Variants in AFAP1 observed in about 807,000 individuals in gnomAD.
AFAP1 encodes actin filament associated protein 1, also known as actin filament-associated protein 1.
AFAP1 carries 75 observed loss-of-function variants against 93.9 expected under a neutral mutation model. The observed-to-expected ratio is 0.80, with a 90% CI of 0.66 to 0.97. AFAP1 has a LOEUF of 0.97. AFAP1 is among the 50% of genes least tolerant of loss of function. AFAP1 has a pLI of 0.00. For synonymous variants in AFAP1, 517 were observed against 430.7 expected (o/e 1.20, Z -2.48); for missense variants, 1,201 against 1,050.8 (o/e 1.14, Z -1.98).
At chr4:7,764,033 G>C (rs577913907) in intron 17 of AFAP1, among the ~76,000 whole-genome samples, 1 of 152,270 alleles carries the variant, frequency 6.6e-6, no homozygotes, top group African/African-American at 2.4e-5. Flanking sequence ...CACCAGCCAG[G>C]AGGCAGAGGA....
At chr4:7,815,927 C>T (rs972729132) in intron 8 of AFAP1, 91 bp downstream of exon 8, 15 of 1,156,728 alleles carry the variant, frequency 1.3e-5, no homozygotes, top group Middle Eastern at 4.1e-4. Context: ...GGACATTTTT[C>T]GTACAATCAG....
chr4:7,939,313 C>A lies in AFAP1; in HGVS notation c.-3+343G>T. 1 of 316,022 alleles carries A rather than the reference C, an allele frequency of 3.2e-6. No individual in the cohort carries two copies. The highest frequency in any genetic ancestry group is 2.3e-5 in the South Asian group (1 of 42,588). The allele number at this position is 316,022 out of a possible 1,614,324, so 19.6% of individuals were successfully genotyped here. On this transcript the variant is annotated intron_variant, in intron 1 of 17. Coordinates refer to ENST00000420658, the MANE Select transcript of AFAP1 (RefSeq NM_001134647.2). The surrounding 1 kb of genome is among the most constrained non-coding windows in gnomAD (Gnocchi z 5.6). ...ACTCTTGGTGACCCGGACCCCGCCC[C>A]ACGAGTGGGTCTTCGCAGGGCCCCC...
At chr4:7,845,435 T>TA (rs1438445152) in intron 4 of AFAP1, among the ~76,000 whole-genome samples, 2 of 76,088 alleles carry the variant, frequency 2.6e-5, no homozygotes, top group African/African-American at 6.2e-5. Flanking sequence ...TTATTATTAC[T>TA]TTAAGTCCAG....
At chr4:7,824,672 C>T (rs1577256609) in intron 6 of AFAP1, among the ~76,000 whole-genome samples, 1 of 152,242 alleles carries the variant, frequency 6.6e-6, no homozygotes, top group Non-Finnish European at 1.5e-5. Flanking sequence ...CTCACATGTT[C>T]TCACTCATGT....
chr4:7,836,508 G>A (rs1015894378), intron 6 of AFAP1, among the ~76,000 whole-genome samples: 7 of 152,180 alleles, frequency 4.6e-5, no homozygotes, highest in Admixed American at 1.3e-4. Flanking sequence ...GTACAGTGGC[G>A]CAGTCACAAC....
chr4:7,830,072 T>C (rs748160713), intron 6 of AFAP1, among the ~76,000 whole-genome samples: 19 of 148,968 alleles, frequency 1.3e-4, no homozygotes, highest in Non-Finnish European at 2.4e-4. Flanking sequence ...ATTCTCTAAA[T>C]TGCAAAAATC....
Position 7,774,920 on chromosome 4 carries a change from A to T in AFAP1, c.1898-17T>A. On this transcript the variant is annotated splice_polypyrimidine_tract_variant and intron_variant, in intron 14 of 17. Transcript: ENST00000420658. ...GGGCAGCATCTTGAGAAGAAAAAAA[A>T]GCAGCAATTAAAAATTAGGTTTACT... 6.3e-7 allele frequency: 1 copy of T among 1,596,994 alleles called. No homozygotes were observed.
intron 6 of AFAP1, among the ~76,000 whole-genome samples, chr4:7,820,035 G>A (rs1720823988): frequency 6.6e-6 from 1 of 152,188 alleles, no homozygotes; most frequent in South Asian, 2.1e-4. Context: ...TAATTATACA[G>A]GGACAACAAC....
At chr4:7,814,621 G>A (rs371969827) in intron 8 of AFAP1, among the ~76,000 whole-genome samples, 2 of 152,186 alleles carry the variant, frequency 1.3e-5, no homozygotes, top group Non-Finnish European at 2.9e-5. Flanking sequence ...CCACAAACAC[G>A]GACGACTCTC....
chr4:7,868,788 T>C, intron 2 of AFAP1, 69 bp from the exon 3 acceptor site: 2 of 1,378,012 alleles, frequency 1.5e-6, no homozygotes, highest in Non-Finnish European at 2.0e-6. Flanking sequence ...CTAGCATCTA[T>C]CAGTTCCTGA....
At chr4:7,919,053 A>AACAGGGCTGCGGAT (rs1720288364) in intron 1 of AFAP1, among the ~76,000 whole-genome samples, 1 of 141,062 alleles carries the variant, frequency 7.1e-6, no homozygotes, top group African/African-American at 2.7e-5. Flanking sequence ...GGCTGCCGGA[A>AACAGGGCTGCGGAT]GAGACACTCG....
rs991546953 is a variant in AFAP1 at position 7,840,975 on chromosome 4, C to T, written c.546+2164G>A. On this transcript the variant is annotated intron_variant, in intron 5 of 17. Coordinates refer to ENST00000420658, the MANE Select transcript of AFAP1 (RefSeq NM_001134647.2). ...TAATTAGCAAACCCCACATCTCAAA[C>T]GCTTATCATTTCAGAAAGGGAACTT... 5.9e-5 allele frequency among the ~76,000 whole-genome samples: 9 copies of T among 152,286 alleles called. No individual in the cohort carries two copies. The South Asian group carries it at 1.2e-3, about 21-fold the overall frequency.
intron 4 of AFAP1, among the ~76,000 whole-genome samples, chr4:7,849,088 G>C (rs1341638085): frequency 1.3e-5 from 2 of 152,130 alleles, no homozygotes; most frequent in Non-Finnish European, 2.9e-5. Context: ...ACAGACAAAG[G>C]TTAAGTGACA....
intron 1 of AFAP1, among the ~76,000 whole-genome samples, chr4:7,880,674 G>A (rs556635505): frequency 3.3e-5 from 5 of 152,222 alleles, no homozygotes; most frequent in Non-Finnish European, 4.4e-5. Context: ...AGCCGGGAAC[G>A]GGGTGACCAG....
intron 1 of AFAP1, among the ~76,000 whole-genome samples, chr4:7,920,995 T>C (rs909838207): frequency 6.6e-5 from 10 of 151,502 alleles, no homozygotes; most frequent in Non-Finnish European, 1.0e-4. Flanking sequence ...GGTATACCTA[T>C]ATATCCATAA....
intron 1 of AFAP1, among the ~76,000 whole-genome samples, chr4:7,896,442 C>T (rs568318526): frequency 6.6e-6 from 1 of 152,042 alleles, no homozygotes; most frequent in Non-Finnish European, 1.5e-5. Context: ...CTGCCTACTC[C>T]CTCCCCAACC....
At position 7,873,261 on chromosome 4, in the gene AFAP1, AC is replaced by A. The variant is rs778147026; in HGVS notation, c.-2-1182del. Among the ~76,000 whole-genome samples the A allele has an allele frequency of 7.2e-5, 9 of 124,694 alleles. 1 individual carries two copies. The highest frequency in any genetic ancestry group is 1.6e-4 in the Admixed American group (2 of 12,298). 81.8% of individuals were successfully genotyped at this position (124,694 alleles called of 152,430 possible). On this transcript the variant is annotated intron_variant, in intron 1 of 17. Transcript: ENST00000420658. ...CTGTCTCAAAAAAAAAAAAAAAAAA[AC>A]CCCACTTTCACTTAGGAGTGTCTTT... is the stretch of plus-strand genomic sequence containing the variant.
intron 12 of AFAP1, among the ~76,000 whole-genome samples, chr4:7,782,699 T>C (rs1716893959): frequency 6.6e-6 from 1 of 152,218 alleles, no homozygotes; most frequent in African/African-American, 2.4e-5. Context: ...ATATTCCTTT[T>C]ACCCCGTTGA....
intron 14 of AFAP1, chr4:7,776,509 G>A (rs370863269): frequency 3.0e-4 from 46 of 152,270 alleles, no homozygotes; most frequent in Non-Finnish European, 4.1e-4. Flanking sequence ...CCATATCAGC[G>A]ATAAGTGATT....
Sources: gnomAD v4.1 joint callset for allele counts (sites outside exome capture counted in the v4.1 genomes callset) on GRCh38, gnomAD v4.1.1 for gene constraint, Gnocchi (gnomAD v3.1) non-coding constraint, MANE v1.5 for transcripts, NCBI Gene and HGNC (gene_info 2026-07-23, HGNC 2026-07-21) for gene names.